The following SYNE3 variants were observed in gnomAD, a reference collection of about 807,000 sequenced individuals.
SYNE3 encodes the protein nesprin-3.
In SYNE3, 100 loss-of-function variants were observed where a neutral mutation model predicts 111.2. The observed-to-expected ratio is 0.90, with a 90% confidence interval of 0.77 to 1.06. SYNE3 has a LOEUF of 1.06. Ranked by LOEUF, SYNE3 falls within the 50% of genes least tolerant of loss-of-function variation. The pLI, the probability that SYNE3 is intolerant of heterozygous loss-of-function variation, is 0.00. For missense variants in SYNE3, 1,160 were observed against 1,240.3 expected (o/e 0.94, Z 0.97); for synonymous variants, 547 against 533.9 (o/e 1.02, Z -0.34).
intron 1 of SYNE3, among the ~76,000 whole-genome samples, chr14:95,482,373 GCA>G (rs1413433516): frequency 6.6e-6 from 1 of 152,196 alleles, no homozygotes; most frequent in East Asian, 1.9e-4. Context: ...GGCAGAGGTT[GCA>G]CTGAGAAGAG....
rs2139597281 is a variant in SYNE3, at chr14:95,500,769, C to G, written c.-15+15827G>C. 6.6e-6 allele frequency among the ~76,000 whole-genome samples: 1 copy of G among 152,322 alleles called. No individual in the cohort carries two copies. Among genetic ancestry groups the G allele is most frequent in the South Asian group, 2.1e-4 (1 of 4,826 alleles). ...GTCCCCAGCAGCCCCATAGCAGAGT[C>G]ACTGACCCTTCCTGCTGCAGCTACA... On this transcript the variant is annotated intron_variant, in intron 1 of 17. Transcript: ENST00000682763. The surrounding 1 kb of genome is among the most constrained non-coding windows in gnomAD (Gnocchi z 4.7).
At chr14:95,512,730 C>A (rs186826191) in intron 1 of SYNE3, among the ~76,000 whole-genome samples, 27 of 145,546 alleles carry the variant, frequency 1.9e-4, no homozygotes, top group African/African-American at 6.6e-4. Flanking sequence ...TGGTGGTGGG[C>A]GCCTGTAGTC....
chr14:95,481,248 T>C (rs1889233062), intron 1 of SYNE3, among the ~76,000 whole-genome samples: 2 of 152,148 alleles, frequency 1.3e-5, no homozygotes, highest in African/African-American at 4.8e-5. Context: ...CCATATTGAC[T>C]CCAAAATAAA....
chr14:95,495,570 A>G (rs1050141914), intron 1 of SYNE3, among the ~76,000 whole-genome samples: 1 of 152,202 alleles, frequency 6.6e-6, no homozygotes, highest in Admixed American at 6.5e-5. Context: ...CAACCTTCAA[A>G]TCAGGGGTCA....
intron 1 of SYNE3, among the ~76,000 whole-genome samples, chr14:95,515,864 G>A (rs8011900): frequency 0.039 from 5,946 of 152,312 alleles, 156 homozygotes; most frequent in Middle Eastern, 0.044. Flanking sequence ...GCAGAGGTCA[G>A]CTGGGCGGTG....
chr14:95,417,836 G>C lies in SYNE3; in HGVS notation c.2918C>G (p.Pro973Arg), dbSNP rs776086121. The change falls in exon 18 of 18, where the codon CCA (proline) becomes CGA (arginine). Residue 973 changes from proline to arginine, a missense_variant. By Grantham distance (103) the Pro-to-Arg change is moderately radical. Transcript: ENST00000682763. ...GTGTGCCCCAGTGGGTTAGGTGGGTGGTGGGCCATTGTAGCGCAGCATGAG... is the reference window on the plus strand; with the variant it reads ...GTGTGCCCCAGTGGGTTAGGTGGGTCGTGGGCCATTGTAGCGCAGCATGAG... ...FTLMLRYNGP[P>R]PT is the part of the protein sequence containing the mutation. The C allele has an allele frequency of 3.7e-6, 6 of 1,614,258 alleles. No homozygotes were observed. The highest frequency in any genetic ancestry group is 4.5e-5 in the East Asian group (2 of 44,890).
At chr14:95,471,719 G>A (rs1262198002) in intron 2 of SYNE3, among the ~76,000 whole-genome samples, 1 of 152,218 alleles carries the variant, frequency 6.6e-6, no homozygotes, top group Non-Finnish European at 1.5e-5. Context: ...CACCAGCAAG[G>A]ACACAGTCCA....
At chr14:95,503,584 G>A (rs1400134775) in intron 1 of SYNE3, among the ~76,000 whole-genome samples, 1 of 147,476 alleles carries the variant, frequency 6.8e-6, no homozygotes, top group Admixed American at 6.8e-5. Flanking sequence ...CAGTAGACAC[G>A]AGATTGAGAC....
intron 1 of SYNE3, among the ~76,000 whole-genome samples, chr14:95,507,382 G>A (rs945576353): frequency 2.6e-5 from 4 of 152,208 alleles, no homozygotes; most frequent in East Asian, 1.9e-4. Context: ...CCGCAAACAC[G>A]TGCTTCTTTG....
At chr14:95,419,528 C>G (rs1211366837) in intron 17 of SYNE3, among the ~76,000 whole-genome samples, 1 of 152,020 alleles carries the variant, frequency 6.6e-6, no homozygotes, top group Non-Finnish European at 1.5e-5. Context: ...AGCACTAGTA[C>G]TATTATTATA....
At chr14:95,497,525 T>C (rs1890144676) in intron 1 of SYNE3, among the ~76,000 whole-genome samples, 1 of 152,218 alleles carries the variant, frequency 6.6e-6, no homozygotes, top group South Asian at 2.1e-4. Flanking sequence ...CAGCATAATC[T>C]GGCCATTTAC....
At chr14:95,456,900 T>C (rs2024864) in intron 5 of SYNE3, among the ~76,000 whole-genome samples, 90,469 of 151,646 alleles carry the variant, frequency 0.6, 27,582 homozygotes, top group African/African-American at 0.72. Context: ...CTGGCTAACA[T>C]GGTGAAACCC....
intron 1 of SYNE3, among the ~76,000 whole-genome samples, chr14:95,478,983 G>T (rs969378086): frequency 3.3e-5 from 5 of 152,018 alleles, no homozygotes. Flanking sequence ...ACCTAGAATT[G>T]GTCCCAGTGG....
chr14:95,425,160 C>T (rs887807595), intron 17 of SYNE3, among the ~76,000 whole-genome samples: 10 of 151,736 alleles, frequency 6.6e-5, no homozygotes, highest in Admixed American at 3.3e-4. Context: ...GCAGGAGAAT[C>T]GCTTGAACCT....
chr14:95,492,986 A>G (rs970465179), intron 1 of SYNE3, among the ~76,000 whole-genome samples: 9 of 152,110 alleles, frequency 5.9e-5, no homozygotes, highest in Non-Finnish European at 1.3e-4. Context: ...ACCTAATCTA[A>G]TCAACCATCT....
At chr14:95,444,269 A>G in intron 10 of SYNE3, 1 of 541,918 alleles carries the variant, frequency 1.8e-6, no homozygotes, top group East Asian at 3.1e-5. Context: ...ACAGTTTGTC[A>G]TTTTGCTGAG....
intron 1 of SYNE3, among the ~76,000 whole-genome samples, chr14:95,494,790 C>T (rs187891529): frequency 1.3e-5 from 2 of 152,240 alleles, no homozygotes; most frequent in African/African-American, 4.8e-5. Flanking sequence ...CTAAGGCATC[C>T]TATTTATTGT....
chr14:95,505,437 C>T (rs1890494685), intron 1 of SYNE3, among the ~76,000 whole-genome samples: 1 of 152,214 alleles, frequency 6.6e-6, no homozygotes, highest in Non-Finnish European at 1.5e-5. Context: ...TGCCAACAGT[C>T]CTGGGTTAGC....
chr14:95,414,602 C>T lies in SYNE3; in HGVS notation c.*3224G>A, dbSNP rs543361780. 2.0e-5 allele frequency: 3 copies of T among 151,874 alleles called. No individual in the cohort carries two copies. In the South Asian group the frequency reaches 6.3e-4, roughly 32 times the overall value. 9.4% of individuals were successfully genotyped at this position (151,874 alleles called of 1,614,324 possible). On this transcript the variant is annotated 3_prime_UTR_variant, in exon 18 of 18. Coordinates refer to ENST00000682763, the MANE Select transcript of SYNE3 (RefSeq NM_152592.6). ...CTAAGAAAGAAAGGGGTGGGAGGGA[C>T]AGGTAAGCAGGGATAACTAATTCAT...
Sources: gnomAD v4.1 joint callset for allele counts (sites outside exome capture counted in the v4.1 genomes callset) on GRCh38, gnomAD v4.1.1 for gene constraint, Gnocchi (gnomAD v3.1) non-coding constraint, MANE v1.5 for transcripts, NCBI Gene and HGNC (gene_info 2026-07-23, HGNC 2026-07-21) for gene names.